RSRC1: variants seen among roughly 807,000 people sequenced by gnomAD.
RSRC1 encodes arginine and serine rich coiled-coil 1, also known as serine/Arginine-related protein 53.
In RSRC1, 39 loss-of-function variants were observed where a neutral mutation model predicts 49.1. The ratio of observed to expected loss-of-function variants is 0.79; its 90% CI spans 0.61 to 1.04. The LOEUF is 1.04. Among genes scored for constraint, RSRC1 ranks in the 50% least tolerant of loss-of-function variants. The probability of loss-of-function intolerance (pLI) is 0.00; values close to 1 mark genes in which losing one functional copy is unlikely to be tolerated. For missense variants in RSRC1, 388 were observed against 402.4 expected (o/e 0.96, Z 0.31); for synonymous variants, 143 against 130.8 (o/e 1.09, Z -0.63).
chr3:158,159,147 A>G (rs73164089), intron 3 of RSRC1, among the ~76,000 whole-genome samples: 18,229 of 152,092 alleles, frequency 0.12, 1,359 homozygotes, highest in Middle Eastern at 0.2. Context: ...ATGTGAAGCT[A>G]GTGTTCAGAG....
chr3:158,354,395 G>A (rs1056138097), intron 5 of RSRC1, among the ~76,000 whole-genome samples: 2 of 152,176 alleles, frequency 1.3e-5, no homozygotes, highest in Non-Finnish European at 2.9e-5. Flanking sequence ...GCCAAATTGT[G>A]TCCTATCTTC....
chr3:158,263,615 G>A (rs531439938), intron 4 of RSRC1, among the ~76,000 whole-genome samples: 15 of 152,168 alleles, frequency 9.9e-5, no homozygotes, highest in Admixed American at 5.9e-4. Context: ...ATTATTAAAT[G>A]TTTGGTAAAA....
At chr3:158,512,386 G>T (rs1237008027) in intron 7 of RSRC1, among the ~76,000 whole-genome samples, 1 of 144,872 alleles carries the variant, frequency 6.9e-6, no homozygotes, top group Non-Finnish European at 1.5e-5. Flanking sequence ...TTTCCCCATT[G>T]CTTGTTTTTC....
At chr3:158,205,662 G>A (rs827141) in intron 4 of RSRC1, among the ~76,000 whole-genome samples, 98,537 of 151,916 alleles carry the variant, frequency 0.65, 32,254 homozygotes, top group East Asian at 0.84. Flanking sequence ...TGGCTGTAAC[G>A]AAACCTAACT....
intron 3 of RSRC1, among the ~76,000 whole-genome samples, chr3:158,202,107 G>A (rs768243621): frequency 6.6e-6 from 1 of 151,992 alleles, no homozygotes. Context: ...CTCCACCTCC[G>A]AGGTTCAAGT....
chr3:158,316,022 AT>A (rs1728416599), intron 5 of RSRC1, among the ~76,000 whole-genome samples: 1 of 152,062 alleles, frequency 6.6e-6, no homozygotes, highest in Non-Finnish European at 1.5e-5. Flanking sequence ...AAATAAAAAA[AT>A]TAGCTGGGCG....
At chr3:158,449,161 G>A (rs983033471) in intron 6 of RSRC1, among the ~76,000 whole-genome samples, 2 of 151,496 alleles carry the variant, frequency 1.3e-5, no homozygotes, top group Admixed American at 6.6e-5. Flanking sequence ...CTTAAAGCAC[G>A]AGATGCAACA....
intron 3 of RSRC1, among the ~76,000 whole-genome samples, chr3:158,183,832 C>T (rs1320945332): frequency 6.6e-6 from 1 of 152,022 alleles, no homozygotes; most frequent in Non-Finnish European, 1.5e-5. Context: ...GGGAGGATTG[C>T]TTGAGCCCTG....
chr3:158,122,280 C>A lies in RSRC1; in HGVS notation c.176C>A (p.Ser59Ter). 6.3e-7 allele frequency: 1 copy of A among 1,581,196 alleles called. No individual in the cohort carries two copies. Among genetic ancestry groups the A allele is most frequent in the South Asian group, 1.2e-5 (1 of 86,218 alleles). ...TGGTCCAGAGATCTTCAGCCTCGTT[C>A]ACATTCTTATGATAGAAGGTGATTT... Reference protein sequence around the residue: ...RSWSRDLQPRSHSYDRRRRHR... With the variant: ...RSWSRDLQPR Residue 59 changes from serine to a stop codon, truncating the protein, a stop_gained, in exon 2 of 10, where the codon TCA becomes TAA. Coordinates refer to ENST00000611884, the MANE Select transcript of RSRC1 (RefSeq NM_001271838.2). LOFTEE classifies it high-confidence loss of function.
At chr3:158,133,140 A>G (rs1716146205) in intron 3 of RSRC1, among the ~76,000 whole-genome samples, 2 of 152,196 alleles carry the variant, frequency 1.3e-5, no homozygotes, top group African/African-American at 4.8e-5. Flanking sequence ...AAACTAATTT[A>G]TTGTTTAAAG....
chr3:158,400,010 T>C (rs888635870), intron 6 of RSRC1, among the ~76,000 whole-genome samples: 8 of 152,160 alleles, frequency 5.3e-5, no homozygotes, highest in African/African-American at 1.9e-4. Context: ...GTAACCTAAC[T>C]GATAGAAACT....
intron 4 of RSRC1, among the ~76,000 whole-genome samples, chr3:158,211,101 C>G (rs1435259921): frequency 6.6e-6 from 1 of 151,980 alleles, no homozygotes; most frequent in Non-Finnish European, 1.5e-5. Flanking sequence ...AGTTTCATTA[C>G]ATGGTCTATA....
At chr3:158,183,003 A>T (rs539750341) in intron 3 of RSRC1, among the ~76,000 whole-genome samples, 42 of 152,198 alleles carry the variant, frequency 2.8e-4, no homozygotes, top group African/African-American at 1.0e-3. Context: ...GATAATTTTA[A>T]ATTTTATTCT....
At chr3:158,137,380 G>C (rs1399946013) in intron 3 of RSRC1, among the ~76,000 whole-genome samples, 2 of 145,608 alleles carry the variant, frequency 1.4e-5, no homozygotes, top group Non-Finnish European at 3.0e-5. Context: ...GTTTTATGGA[G>C]ATATATAATA....
At chr3:158,536,128 A>C (rs1431497625) in intron 7 of RSRC1, among the ~76,000 whole-genome samples, 1 of 151,480 alleles carries the variant, frequency 6.6e-6, no homozygotes, top group Non-Finnish European at 1.5e-5. Context: ...AAAGTAGGAA[A>C]CGTGCATCCT....
Position 158,505,223 on chromosome 3 carries a change from C to T in RSRC1, c.653-31869C>T, listed in dbSNP as rs142484048. On this transcript the variant is annotated intron_variant, in intron 7 of 9. Transcript: ENST00000611884. ...TTTATGACTTTCATAGGTACTGCAG[C>T]ACTTTTTTATGAAGTAGTCTTCTGT... 2.6e-5 allele frequency among the ~76,000 whole-genome samples: 4 copies of T among 152,260 alleles called. No homozygotes were observed. In the East Asian group the frequency reaches 7.7e-4, roughly 29 times the overall value.
At chr3:158,159,851 T>C (rs149527700) in intron 3 of RSRC1, among the ~76,000 whole-genome samples, 131 of 152,276 alleles carry the variant, frequency 8.6e-4, no homozygotes, top group African/African-American at 3.0e-3. Context: ...TCAGTCATGA[T>C]TTTGTTTGTG....
chr3:158,240,378 T>G (rs934284284), intron 4 of RSRC1, among the ~76,000 whole-genome samples: 4 of 152,184 alleles, frequency 2.6e-5, no homozygotes, highest in African/African-American at 9.6e-5. Context: ...GATTTTTTTC[T>G]ATATCAATTG....
intron 4 of RSRC1, among the ~76,000 whole-genome samples, chr3:158,238,443 A>G (rs1462610569): frequency 6.6e-6 from 1 of 152,228 alleles, no homozygotes; most frequent in African/African-American, 2.4e-5. Context: ...AGCTGGAGGC[A>G]TCATGCTACC....
Sources: gnomAD v4.1 joint callset for allele counts (sites outside exome capture counted in the v4.1 genomes callset) on GRCh38, gnomAD v4.1.1 for gene constraint, MANE v1.5 for transcripts, NCBI Gene and HGNC (gene_info 2026-07-23, HGNC 2026-07-21) for gene names.